The following MBP variants were observed in gnomAD, a reference collection of about 807,000 sequenced individuals.
MBP encodes the protein Golli-MBP.
Under a neutral mutation model 35.8 loss-of-function variants are expected in MBP, and 16 were observed. That is an observed-to-expected ratio of 0.45 (90% confidence interval 0.30 to 0.68). MBP has a LOEUF of 0.68. MBP is among the 30% of genes least tolerant of loss of function. MBP has a pLI of 0.08. For synonymous variants in MBP, 143 were observed against 159.6 expected (o/e 0.90, Z 0.78); for missense variants, 380 against 404.7 (o/e 0.94, Z 0.52).
At chr18:77,035,589 C>T (rs1972733309) in intron 3 of MBP, among the ~76,000 whole-genome samples, 1 of 152,220 alleles carries the variant, frequency 6.6e-6, no homozygotes. Flanking sequence ...ACTGTCTTGA[C>T]CAGCAACAAC....
intron 1 of MBP, among the ~76,000 whole-genome samples, chr18:77,117,007 C>T (rs1976690929): frequency 6.6e-6 from 1 of 152,324 alleles, no homozygotes; most frequent in African/African-American, 2.4e-5. Flanking sequence ...AACCTGATGA[C>T]CTGGTCTTTG....
intron 3 of MBP, among the ~76,000 whole-genome samples, chr18:77,054,695 A>G (rs11662391): frequency 0.15 from 23,299 of 152,200 alleles, 2,304 homozygotes; most frequent in Middle Eastern, 0.27. Flanking sequence ...CTCATTTTGT[A>G]CCTGGATAAG....
intron 2 of MBP, among the ~76,000 whole-genome samples, chr18:77,085,885 T>C (rs986190602): frequency 6.6e-6 from 1 of 152,058 alleles, no homozygotes; most frequent in Non-Finnish European, 1.5e-5. Flanking sequence ...GGTTTCACCA[T>C]GTTGGCCAGG....
rs549460739 is a variant in MBP, at chr18:77,132,703, C to G, written c.-149G>C. The G allele has an allele frequency of 2.6e-5, 4 of 151,872 alleles. No homozygotes were observed. The highest frequency in any genetic ancestry group is 7.3e-5 in the African/African-American group (3 of 41,286). The allele number at this position is 151,872 out of a possible 1,614,324, so 9.4% of individuals were successfully genotyped here. ...GCCCACGCGCGGGGTCCCCGGGCAG[C>G]CTGCTTCGCCTTCCGGGGTCGGGAG... On this transcript the variant is annotated 5_prime_UTR_variant, in exon 1 of 9. Coordinates refer to ENST00000355994, the MANE Select transcript of MBP (RefSeq NM_001025101.2).
intron 3 of MBP, among the ~76,000 whole-genome samples, chr18:77,057,236 G>A (rs767208246): frequency 6.6e-6 from 1 of 152,188 alleles, no homozygotes; most frequent in Non-Finnish European, 1.5e-5. Flanking sequence ...ACCAGCTGCG[G>A]TCTCCCTGGC....
chr18:76,991,854 CTTG>C (rs1969946219), intron 4 of MBP, among the ~76,000 whole-genome samples: 1 of 152,218 alleles, frequency 6.6e-6, no homozygotes, highest in African/African-American at 2.4e-5. Context: ...GGGAGGACCC[CTTG>C]TTGTTCAGAA....
rs201264249 is a variant in MBP at position 77,029,094 on chromosome 18, T to C, written c.140-11826A>G. Among the ~76,000 whole-genome samples, 4 of 84,202 alleles carry C rather than the reference T, an allele frequency of 4.8e-5. 1 individual carries two copies. The highest frequency in any genetic ancestry group is 1.3e-4 in the African/African-American group (4 of 30,616). The allele number at this position is 84,202 out of a possible 152,430, so 55.2% of individuals were successfully genotyped here. On this transcript the variant is annotated intron_variant, in intron 3 of 8. Coordinates refer to ENST00000355994, the MANE Select transcript of MBP (RefSeq NM_001025101.2). ...GTGGAGGTTGTAGCGAGCCGAGATC[T>C]CGCCACTGCACCCCAGCCTGGGCAC... is the stretch of plus-strand genomic sequence containing the variant.
intron 7 of MBP, chr18:76,985,193 C>G: frequency 1.4e-6 from 2 of 1,450,610 alleles, no homozygotes; most frequent in Non-Finnish European, 9.2e-7. Flanking sequence ...GTTTAGGGAA[C>G]AGTTGCTTAC....
chr18:77,041,929 TAAAAA>T (rs11370656), intron 3 of MBP, among the ~76,000 whole-genome samples: 1 of 146,308 alleles, frequency 6.8e-6, no homozygotes, highest in Non-Finnish European at 1.5e-5. Context: ...AAAGTATAAT[TAAAAA>T]AAAAAAAGAA....
At chr18:77,049,660 C>CTATTTTATTTTTAATTTT (rs1973402089) in intron 3 of MBP, among the ~76,000 whole-genome samples, 2 of 152,076 alleles carry the variant, frequency 1.3e-5, no homozygotes, top group South Asian at 4.2e-4. Flanking sequence ...ATATGGATAA[C>CTATTTTATTTTTAATTTT]TATTTTATTT....
At chr18:77,095,031 C>T (rs953997832) in intron 2 of MBP, among the ~76,000 whole-genome samples, 1 of 152,116 alleles carries the variant, frequency 6.6e-6, no homozygotes, top group Non-Finnish European at 1.5e-5. Flanking sequence ...GCTGTGACCA[C>T]GTTGTGTGGC....
chr18:77,081,102 A>G (rs1974880075), intron 2 of MBP, among the ~76,000 whole-genome samples: 1 of 152,216 alleles, frequency 6.6e-6, no homozygotes, highest in Non-Finnish European at 1.5e-5. Context: ...AACACTCAGG[A>G]GTAGAGACTG....
In MBP at chr18:76,980,025, C is replaced by T; in HGVS notation, c.*402G>A. The T allele has an allele frequency of 1.4e-6, 1 of 702,586 alleles. No homozygotes were observed. The highest frequency in any genetic ancestry group is 2.6e-6 in the Non-Finnish European group (1 of 385,018). The allele number at this position is 702,586 out of a possible 1,614,324, so 43.5% of individuals were successfully genotyped here. ...TCTGCCGCCCACGTCCTCTCTGTCTCTGCAGCTGTGTGCCTCCATGGCAGT... is the reference window on the plus strand; with the variant it reads ...TCTGCCGCCCACGTCCTCTCTGTCTTTGCAGCTGTGTGCCTCCATGGCAGT... On this transcript the variant is annotated 3_prime_UTR_variant, in exon 9 of 9. Coordinates refer to ENST00000355994, the MANE Select transcript of MBP (RefSeq NM_001025101.2).
Position 76,989,073 on chromosome 18 carries a change from A to C in MBP, c.682-161T>G. 1 of 752,534 alleles carries C rather than the reference A, an allele frequency of 1.3e-6. No homozygotes were observed. Among genetic ancestry groups the C allele is most frequent in the Admixed American group, 1.9e-5 (1 of 53,732 alleles). 46.6% of individuals were successfully genotyped at this position (752,534 alleles called of 1,614,324 possible). Reference sequence around the variant, plus strand: ...TCTGTCCTAGTTGGTGAAGAAGTATAGACCTGAGATTGAAAATATTCTAGA... The same window carrying C: ...TCTGTCCTAGTTGGTGAAGAAGTATCGACCTGAGATTGAAAATATTCTAGA... On this transcript the variant is annotated intron_variant, in intron 5 of 8. Transcript: ENST00000355994. This position sits in a 1 kb window ranked among gnomAD's most constrained non-coding sequence, Gnocchi z 4.0.
Position 76,989,900 on chromosome 18 carries a change from C to A in MBP, c.681+56G>T. 6.8e-7 allele frequency: 1 copy of A among 1,460,386 alleles called. No homozygotes were observed. Among genetic ancestry groups the A allele is most frequent in the Non-Finnish European group, 9.6e-7 (1 of 1,042,342 alleles). The allele number at this position is 1,460,386 out of a possible 1,614,324, so 90.5% of individuals were successfully genotyped here. ...CGTCCTGTGTGGATGACAGCAGTGG[C>A]CAGCACCCCTCCTCCCCCTCACAGT... On this transcript the variant is annotated intron_variant, in intron 5 of 8. Transcript: ENST00000355994. The surrounding 1 kb of genome is among the most constrained non-coding windows in gnomAD (Gnocchi z 4.0).
chr18:76,987,271 A>G (rs1363503538), intron 7 of MBP: 11 of 985,452 alleles, frequency 1.1e-5, no homozygotes, highest in Non-Finnish European at 1.3e-5. Context: ...TTCTTCTATC[A>G]TCTTTGTCTC....
At chr18:77,115,710 A>G (rs1206115923) in intron 1 of MBP, 2 of 152,184 alleles carry the variant, frequency 1.3e-5, no homozygotes, top group Non-Finnish European at 2.9e-5. Context: ...CCAGATTGCA[A>G]TAAAGAAAAA....
rs188266988 is a variant in MBP, at chr18:77,049,133, A to G, written c.139+17165T>C. 7.1e-3 allele frequency among the ~76,000 whole-genome samples: 1,079 copies of G among 150,978 alleles called. 13 individuals are homozygous for G. Among genetic ancestry groups the G allele is most frequent in the African/African-American group, 0.025 (1,036 of 41,078 alleles). On this transcript the variant is annotated intron_variant, in intron 3 of 8. Transcript: ENST00000355994. Reference sequence around the variant, plus strand: ...ACGAGGTTTCACCGTGTTAGCCTGGATGGTCTCGATCTCTTGACCTCGTGA... The same window carrying G: ...ACGAGGTTTCACCGTGTTAGCCTGGGTGGTCTCGATCTCTTGACCTCGTGA...
chr18:77,075,005 T>C (rs1156914898), intron 2 of MBP, among the ~76,000 whole-genome samples: 1 of 152,122 alleles, frequency 6.6e-6, no homozygotes, highest in East Asian at 1.9e-4. Context: ...AAACTGTGGG[T>C]GTTTAAAGAG....
Sources: allele counts gnomAD v4.1 joint callset (sites outside exome capture counted in the v4.1 genomes callset), GRCh38; gene constraint gnomAD v4.1.1; non-coding constraint Gnocchi (gnomAD v3.1); transcripts MANE v1.5; gene names NCBI Gene and HGNC (gene_info 2026-07-23, HGNC 2026-07-21).